Variants in ASTN1 observed in about 807,000 individuals in gnomAD.
ASTN1 encodes astrotactin-1.
Under a neutral mutation model 140.7 loss-of-function variants are expected in ASTN1, and 41 were observed. The ratio of observed to expected loss-of-function variants is 0.29; its 90% CI spans 0.23 to 0.38. The LOEUF is 0.38. Among genes scored for constraint, ASTN1 ranks in the 10% least tolerant of loss-of-function variants. The pLI is 1.00. For missense variants in ASTN1, 1,479 were observed against 1,678.8 expected (o/e 0.88, Z 2.08); for synonymous variants, 640 against 652.2 (o/e 0.98, Z 0.29).
intron 20 of ASTN1, among the ~76,000 whole-genome samples, chr1:176,878,713 A>G (rs746243646): frequency 4.0e-5 from 6 of 151,786 alleles, no homozygotes; most frequent in Admixed American, 2.0e-4. Flanking sequence ...GCTCTAGACC[A>G]TCTTGACCTT....
intron 1 of ASTN1, among the ~76,000 whole-genome samples, chr1:177,073,298 T>A (rs1000454106): frequency 6.6e-6 from 1 of 152,092 alleles, no homozygotes; most frequent in African/African-American, 2.4e-5. Flanking sequence ...TTTAGTATTT[T>A]TTTGTTTTGT....
intron 1 of ASTN1, among the ~76,000 whole-genome samples, chr1:177,156,224 T>C (rs1403955451): frequency 6.0e-5 from 9 of 149,652 alleles, no homozygotes; most frequent in African/African-American, 2.2e-4. Context: ...GAGCAGAGAT[T>C]GCACCACTGC....
chr1:177,141,121 C>A (rs1233657566), intron 1 of ASTN1, among the ~76,000 whole-genome samples: 2 of 152,130 alleles, frequency 1.3e-5, no homozygotes, highest in Non-Finnish European at 2.9e-5. Context: ...GAGGCTGAGG[C>A]AGGAGAATCG....
At chr1:176,946,826 A>T (rs1328364886) in intron 12 of ASTN1, among the ~76,000 whole-genome samples, 2 of 152,216 alleles carry the variant, frequency 1.3e-5, no homozygotes, top group African/African-American at 4.8e-5. Flanking sequence ...ATGTTAGTAA[A>T]TATGGGTCAG....
At chr1:177,142,726 C>T (rs542630964) in intron 1 of ASTN1, among the ~76,000 whole-genome samples, 4 of 152,146 alleles carry the variant, frequency 2.6e-5, no homozygotes, top group Non-Finnish European at 4.4e-5. Flanking sequence ...TATCCTGTAC[C>T]GAAAAACACT....
At chr1:177,031,237 G>A (rs2205891) in intron 3 of ASTN1, among the ~76,000 whole-genome samples, 1 of 152,138 alleles carries the variant, frequency 6.6e-6, no homozygotes, top group Admixed American at 6.5e-5. Flanking sequence ...GTCAGCACTT[G>A]TAACCCTTTG....
At chr1:177,122,861 G>T (rs1191262470) in intron 1 of ASTN1, among the ~76,000 whole-genome samples, 1 of 152,230 alleles carries the variant, frequency 6.6e-6, no homozygotes. Context: ...AAGGCTGACA[G>T]AGAAGAGCCC....
In ASTN1 at chr1:176,946,211, G is replaced by A. The variant is rs528316333; in HGVS notation, c.2055-91C>T. On this transcript the variant is annotated intron_variant, in intron 12 of 22. Coordinates refer to ENST00000361833, the MANE Select transcript of ASTN1 (RefSeq NM_004319.3). The stretch of plus-strand genomic sequence containing the variant: ...CCGTATATTGGGAGGAAATGCCTTT[G>A]ACAGCATGTTGGATCACCAAAGATT... 733 of 1,209,568 alleles carry A rather than the reference G, an allele frequency of 6.1e-4. 2 individuals are homozygous for A. The highest frequency in any genetic ancestry group is 7.5e-4 in the Non-Finnish European group (672 of 890,588). The allele number at this position is 1,209,568 out of a possible 1,614,324, so 74.9% of individuals were successfully genotyped here.
At chr1:176,860,319 T>A (rs187603199), downstream of ASTN1, among the ~76,000 whole-genome samples, 22 of 152,374 alleles carry the variant, frequency 1.4e-4, no homozygotes, top group East Asian at 4.2e-3. Flanking sequence ...GCTACAGTCA[T>A]CATCTTCTTT....
chr1:176,989,083 GA>G (rs1674040537), intron 8 of ASTN1, among the ~76,000 whole-genome samples: 1 of 152,136 alleles, frequency 6.6e-6, no homozygotes, highest in Non-Finnish European at 1.5e-5. Flanking sequence ...TGAAACCCAG[GA>G]GTAAAAAGGG....
At chr1:177,059,354 C>G (rs1336326941) in intron 2 of ASTN1, among the ~76,000 whole-genome samples, 1 of 152,160 alleles carries the variant, frequency 6.6e-6, no homozygotes, top group African/African-American at 2.4e-5. Context: ...CTGCCTGAAT[C>G]CTACCACTCT....
chr1:177,021,555 ACT>A (rs1571661929), intron 7 of ASTN1, among the ~76,000 whole-genome samples: 1 of 152,184 alleles, frequency 6.6e-6, no homozygotes, highest in East Asian at 1.9e-4. Context: ...TAAAACACAG[ACT>A]CTGCTTTAGG....
chr1:177,026,732 T>A (rs537214286), intron 5 of ASTN1, among the ~76,000 whole-genome samples: 1 of 152,326 alleles, frequency 6.6e-6, no homozygotes, highest in African/African-American at 2.4e-5. Flanking sequence ...CTCATTGTAG[T>A]TTTGATTTGC....
intron 8 of ASTN1, among the ~76,000 whole-genome samples, chr1:176,984,737 T>C (rs1018798279): frequency 6.6e-6 from 1 of 152,208 alleles, no homozygotes; most frequent in Admixed American, 6.5e-5. Flanking sequence ...CCAGTCTGCC[T>C]TTCTGCGACA....
At chr1:176,893,075 C>A (rs1235055691) in intron 17 of ASTN1, among the ~76,000 whole-genome samples, 1 of 152,180 alleles carries the variant, frequency 6.6e-6, no homozygotes, top group Non-Finnish European at 1.5e-5. Flanking sequence ...AGACAAACTT[C>A]CTTCAGCTTC....
At chr1:177,155,186 G>A (rs946509049) in intron 1 of ASTN1, among the ~76,000 whole-genome samples, 1 of 152,176 alleles carries the variant, frequency 6.6e-6, no homozygotes, top group Non-Finnish European at 1.5e-5. Context: ...AAGAGCAGTG[G>A]TTGCCAGAGT....
rs538983987 is a variant in ASTN1, at chr1:176,960,556, C to T, written c.1599-2074G>A. Among the ~76,000 whole-genome samples, 14 of 152,278 alleles carry T rather than the reference C, an allele frequency of 9.2e-5. No homozygotes were observed. The South Asian group carries it at 2.7e-3, about 29-fold the overall frequency. ...CAGTTTTCTCTTCCTCTTCTGAATA[C>T]ATTAATATTTCTAAGAGAAAAGCAA... On this transcript the variant is annotated intron_variant, in intron 9 of 22. Coordinates refer to ENST00000361833, the MANE Select transcript of ASTN1 (RefSeq NM_004319.3).
chr1:176,873,143 C>T (rs566684161), intron 21 of ASTN1, among the ~76,000 whole-genome samples: 14 of 152,196 alleles, frequency 9.2e-5, no homozygotes, highest in Non-Finnish European at 1.8e-4. Flanking sequence ...TAGCAGGGTT[C>T]GATAAATGGC....
intron 16 of ASTN1, among the ~76,000 whole-genome samples, chr1:176,917,630 G>A (rs1428927913): frequency 6.6e-6 from 1 of 152,146 alleles, no homozygotes; most frequent in Non-Finnish European, 1.5e-5. Flanking sequence ...TCCAGTTTCA[G>A]TTCTGCCCTG....
Sources: allele counts gnomAD v4.1 joint callset (sites outside exome capture counted in the v4.1 genomes callset), GRCh38; gene constraint gnomAD v4.1.1; transcripts MANE v1.5; gene names NCBI Gene and HGNC (gene_info 2026-07-23, HGNC 2026-07-21).